Variants in SPPL2A observed in about 807,000 individuals in gnomAD.
The protein encoded by SPPL2A is signal peptide peptidase-like 2A.
A neutral mutation model predicts 63.8 loss-of-function variants in SPPL2A; 51 were observed. The ratio of observed to expected loss-of-function variants is 0.80; its 90% confidence interval spans 0.64 to 1.01. SPPL2A has a LOEUF of 1.01. Among genes scored for constraint, SPPL2A ranks in the 50% least tolerant of loss-of-function variants. The pLI is 0.00. For synonymous variants in SPPL2A, 188 were observed against 205.8 expected (o/e 0.91, Z 0.74); for missense variants, 553 against 622.7 (o/e 0.89, Z 1.19).
In SPPL2A at chr15:50,712,677, C is replaced by G. The variant is rs868029265; in HGVS notation, c.1489-4803G>C. The stretch of plus-strand genomic sequence containing the variant: ...CCTCCCTTCCTCCCTCCCTCCCCCC[C>G]CCTTTTTTTTTTTTTTTCTCGAGGC... On this transcript the variant is annotated intron_variant, in intron 14 of 14. Transcript: ENST00000261854. Among the ~76,000 whole-genome samples, 118 of 133,820 alleles carry G rather than the reference C, an allele frequency of 8.8e-4. 2 individuals carry two copies. Among genetic ancestry groups the G allele is most frequent in the Non-Finnish European group, 1.5e-3 (94 of 61,502 alleles). 87.8% of individuals were successfully genotyped at this position (133,820 alleles called of 152,430 possible).
intron 14 of SPPL2A, among the ~76,000 whole-genome samples, chr15:50,713,635 T>G (rs2141019577): frequency 6.6e-6 from 1 of 152,220 alleles, no homozygotes; most frequent in South Asian, 2.1e-4. Context: ...TTCCCATATT[T>G]CAACATTTTG....
chr15:50,736,731 A>G lies in SPPL2A; in HGVS notation c.743T>C (p.Met248Thr). The change falls in exon 7 of 15, where the codon ATG (methionine) becomes ACG (threonine). Residue 248 changes from methionine to threonine, a missense_variant. By Grantham distance (81) the Met-to-Thr change is moderately conservative. Transcript: ENST00000261854. ...YFFYKWLVYV[M>T]IAIFCIASAM... The stretch of plus-strand genomic sequence containing the variant: ...TGATGCTATGCAGAAAATTGCTATC[A>G]TAACATAAACTGAAAAAAACAAAAC... 6.3e-7 allele frequency: 1 copy of G among 1,594,656 alleles called. No homozygotes were observed. The highest frequency in any genetic ancestry group is 2.2e-5 in the East Asian group (1 of 44,674).
At chr15:50,707,919 G>T in intron 14 of SPPL2A, 45 bp from the exon 15 acceptor site, 1 of 995,576 alleles carries the variant, frequency 1.0e-6, no homozygotes. Flanking sequence ...ATTTCAACTT[G>T]CCCCCAATAT....
At chr15:50,760,389 T>C (rs2141064333) in intron 1 of SPPL2A, among the ~76,000 whole-genome samples, 1 of 152,266 alleles carries the variant, frequency 6.6e-6, no homozygotes. Flanking sequence ...GCCTCCCATG[T>C]AGCTGGGGTT....
intron 1 of SPPL2A, among the ~76,000 whole-genome samples, chr15:50,762,108 C>G (rs763057122): frequency 4.6e-5 from 7 of 151,966 alleles, no homozygotes; most frequent in Non-Finnish European, 8.8e-5. Flanking sequence ...TGACTCATGT[C>G]TGTAATCCCA....
intron 1 of SPPL2A, among the ~76,000 whole-genome samples, chr15:50,752,589 G>T (rs2062918195): frequency 6.6e-6 from 1 of 151,898 alleles, no homozygotes; most frequent in African/African-American, 2.4e-5. Context: ...GTGGTAGTGG[G>T]CGCCTGTAAT....
chr15:50,708,973 C>T (rs1258376051), intron 14 of SPPL2A, among the ~76,000 whole-genome samples: 1 of 151,026 alleles, frequency 6.6e-6, no homozygotes, highest in African/African-American at 2.4e-5. Context: ...GAAGGCAGAG[C>T]TTGCAGTGAG....
chr15:50,759,514 C>T (rs192100336), intron 1 of SPPL2A, among the ~76,000 whole-genome samples: 1 of 152,046 alleles, frequency 6.6e-6, no homozygotes, highest in African/African-American at 2.4e-5. Context: ...GAGGCCGAGG[C>T]AGGTGGATCA....
chr15:50,703,410 T>C lies in SPPL2A; in HGVS notation c.*4390A>G, dbSNP rs1377339868. 7.5e-6 allele frequency: 1 copy of C among 133,508 alleles called. No individual in the cohort carries two copies. The highest frequency in any genetic ancestry group is 1.5e-5 in the Non-Finnish European group (1 of 64,640). 8.3% of individuals were successfully genotyped at this position (133,508 alleles called of 1,614,324 possible). A position where few individuals can be genotyped will look rare whatever the true frequency, so the allele number is the denominator to read the frequency against. ...TGGAGTCTCGCTCTGTCGCCCAGGC[T>C]GGAGTGCAGTGGTGTGATCTCGACT... is the stretch of plus-strand genomic sequence containing the variant. On this transcript the variant is annotated 3_prime_UTR_variant, in exon 15 of 15. Coordinates refer to ENST00000261854, the MANE Select transcript of SPPL2A (RefSeq NM_032802.4).
chr15:50,721,488 T>C (rs796601394), intron 13 of SPPL2A, among the ~76,000 whole-genome samples: 11 of 152,076 alleles, frequency 7.2e-5, no homozygotes, highest in African/African-American at 2.2e-4. Flanking sequence ...TATAGTGAAG[T>C]GGTACGATCA....
chr15:50,737,308 T>C (rs1297962024), intron 6 of SPPL2A, among the ~76,000 whole-genome samples: 1 of 152,180 alleles, frequency 6.6e-6, no homozygotes, highest in Admixed American at 6.5e-5. Context: ...TTTCTATCAA[T>C]GACTACTATA....
chr15:50,712,522 C>G (rs540075586), intron 14 of SPPL2A, among the ~76,000 whole-genome samples: 1 of 152,178 alleles, frequency 6.6e-6, no homozygotes, highest in South Asian at 2.1e-4. Flanking sequence ...TCTCACCAGG[C>G]ATGTAAAAGC....
intron 8 of SPPL2A, among the ~76,000 whole-genome samples, chr15:50,734,893 C>G (rs1176404882): frequency 3.3e-5 from 5 of 151,806 alleles, no homozygotes; most frequent in Non-Finnish European, 7.4e-5. Context: ...AGAGTATATT[C>G]TCTCTCTCTC....
chr15:50,746,975 G>A (rs182806720), intron 5 of SPPL2A: 3 of 153,912 alleles, frequency 1.9e-5, no homozygotes, highest in African/African-American at 7.2e-5. Flanking sequence ...GCCTATTTAT[G>A]TATTATAAAA....
intron 8 of SPPL2A, among the ~76,000 whole-genome samples, chr15:50,734,566 G>C (rs964523087): frequency 5.3e-5 from 8 of 152,150 alleles, no homozygotes; most frequent in Non-Finnish European, 8.8e-5. Context: ...TGGTTAATGG[G>C]TGCAAAAATA....
intron 10 of SPPL2A, among the ~76,000 whole-genome samples, chr15:50,729,231 G>T (rs983802398): frequency 2.6e-5 from 4 of 152,104 alleles, no homozygotes; most frequent in Non-Finnish European, 5.9e-5. Flanking sequence ...GGGATTATAG[G>T]CATTAGCCAC....
intron 9 of SPPL2A, among the ~76,000 whole-genome samples, chr15:50,732,170 C>T (rs967394816): frequency 3.3e-5 from 5 of 151,848 alleles, no homozygotes; most frequent in South Asian, 2.1e-4. Context: ...CTGGGATACT[C>T]GGCATGGTGG....
chr15:50,712,579 ACATC>A (rs1002143042), intron 14 of SPPL2A, among the ~76,000 whole-genome samples: 1 of 151,702 alleles, frequency 6.6e-6, no homozygotes, highest in African/African-American at 2.4e-5. Flanking sequence ...ACAGATTTCA[ACATC>A]CACCTGCCTC....
intron 5 of SPPL2A, among the ~76,000 whole-genome samples, chr15:50,741,958 T>G (rs1009808217): frequency 2.0e-5 from 3 of 147,930 alleles, no homozygotes; most frequent in African/African-American, 7.5e-5. Flanking sequence ...ACAGTGAGAC[T>G]CCAACTCAAA....
Sources: gnomAD v4.1 joint callset for allele counts (sites outside exome capture counted in the v4.1 genomes callset) on GRCh38, gnomAD v4.1.1 for gene constraint, MANE v1.5 for transcripts, NCBI Gene and HGNC (gene_info 2026-07-23, HGNC 2026-07-21) for gene names.